Variants in SGCZ observed in about 807,000 individuals in gnomAD.
The protein encoded by SGCZ is sarcoglycan zeta, also known as zeta-sarcoglycan.
In SGCZ, 40 loss-of-function variants were observed where a neutral mutation model predicts 41.3. That is an observed-to-expected ratio of 0.97 (90% CI 0.75 to 1.26). The LOEUF (loss-of-function observed/expected upper bound fraction) is 1.26, where lower values mean the gene tolerates loss of function less well. Ranked by LOEUF, SGCZ falls within the 50% of genes most tolerant of loss-of-function variation. The pLI is 0.00. For missense variants in SGCZ, 552 were observed against 369.8 expected (o/e 1.49, Z -4.04); for synonymous variants, 206 against 137.5 (o/e 1.50, Z -3.49).
chr8:14,156,791 C>T (rs1803889941), intron 5 of SGCZ, among the ~76,000 whole-genome samples: 1 of 152,188 alleles, frequency 6.6e-6, no homozygotes, highest in Non-Finnish European at 1.5e-5. Flanking sequence ...ATCAATATCA[C>T]TGTCTTCCAG....
intron 1 of SGCZ, among the ~76,000 whole-genome samples, chr8:15,075,208 T>A: frequency 7.5e-6 from 1 of 132,632 alleles, no homozygotes; most frequent in East Asian, 2.3e-4. Flanking sequence ...ATACAATTAG[T>A]TTATGTAGTA....
At chr8:14,765,274 C>A (rs980382435) in intron 1 of SGCZ, among the ~76,000 whole-genome samples, 13 of 152,264 alleles carry the variant, frequency 8.5e-5, no homozygotes, top group African/African-American at 2.6e-4. Flanking sequence ...TATTTAATAA[C>A]CTTTTCAATG....
chr8:14,567,313 G>A (rs535248810), intron 1 of SGCZ, among the ~76,000 whole-genome samples: 1 of 152,188 alleles, frequency 6.6e-6, no homozygotes, highest in South Asian at 2.1e-4. Context: ...AGTCTAGTGG[G>A]GACTTGGAGA....
rs570762326 is a variant in SGCZ, at chr8:14,881,072, T to A, written c.40-326146A>T. Among the ~76,000 whole-genome samples the A allele has an allele frequency of 3.3e-5, 5 of 152,256 alleles. No homozygotes were observed. The South Asian group carries it at 1.0e-3, about 32-fold the overall frequency. ...ATGTGACCTTGGCCTGTGACTTAAT[T>A]CTTTGAACTCATTTCCCTCATTATA... is the stretch of plus-strand genomic sequence containing the variant. On this transcript the variant is annotated intron_variant, in intron 1 of 7. Coordinates refer to ENST00000382080, the MANE Select transcript of SGCZ (RefSeq NM_139167.4).
chr8:15,077,026 C>T (rs17120855), intron 1 of SGCZ, among the ~76,000 whole-genome samples: 9 of 151,936 alleles, frequency 5.9e-5, no homozygotes, highest in South Asian at 4.1e-4. Flanking sequence ...TAAGTTACGA[C>T]GCCAAAAGGA....
intron 2 of SGCZ, among the ~76,000 whole-genome samples, chr8:14,438,454 T>C (rs1249318034): frequency 9.2e-5 from 14 of 152,010 alleles, no homozygotes. Context: ...AGAAAATTAA[T>C]ATTATGCCTT....
At chr8:14,949,414 T>C (rs770486242) in intron 1 of SGCZ, among the ~76,000 whole-genome samples, 10 of 152,118 alleles carry the variant, frequency 6.6e-5, no homozygotes, top group Non-Finnish European at 1.5e-4. Context: ...AAGAAAAACC[T>C]TCACTCTATG....
intron 1 of SGCZ, among the ~76,000 whole-genome samples, chr8:14,585,874 C>T (rs979509445): frequency 6.6e-6 from 1 of 152,074 alleles, no homozygotes; most frequent in Non-Finnish European, 1.5e-5. Context: ...TAATAAATCA[C>T]CTTCAGTAAA....
chr8:14,686,779 T>C (rs572038693), intron 1 of SGCZ, among the ~76,000 whole-genome samples: 39 of 152,134 alleles, frequency 2.6e-4, no homozygotes, highest in Admixed American at 1.3e-4. Context: ...TATGTAATGA[T>C]TGCAAAAAGA....
chr8:14,285,429 C>G (rs1035404297), intron 3 of SGCZ, among the ~76,000 whole-genome samples: 1 of 152,030 alleles, frequency 6.6e-6, no homozygotes, highest in African/African-American at 2.4e-5. Flanking sequence ...CTGAGCCTTT[C>G]GAACTGGATC....
intron 1 of SGCZ, among the ~76,000 whole-genome samples, chr8:14,735,069 C>A (rs977095209): frequency 2.0e-5 from 3 of 152,092 alleles, no homozygotes; most frequent in Non-Finnish European, 4.4e-5. Context: ...AGACTGAGTG[C>A]AGGAGTATCA....
intron 1 of SGCZ, among the ~76,000 whole-genome samples, chr8:14,686,111 G>A (rs1808602401): frequency 6.6e-6 from 1 of 151,962 alleles, no homozygotes; most frequent in South Asian, 2.1e-4. Flanking sequence ...TCCTATCCAG[G>A]TAGTGCATAT....
intron 2 of SGCZ, among the ~76,000 whole-genome samples, chr8:14,544,864 T>A (rs907980074): frequency 6.6e-6 from 1 of 152,184 alleles, no homozygotes; most frequent in African/African-American, 2.4e-5. Flanking sequence ...TTGCCCTTTG[T>A]CCTGTTCCCT....
chr8:14,888,966 C>T (rs1804909930), intron 1 of SGCZ, among the ~76,000 whole-genome samples: 2 of 152,036 alleles, frequency 1.3e-5, no homozygotes, highest in Admixed American at 6.6e-5. Flanking sequence ...TTAATAAGAT[C>T]CAAAATATTA....
At chr8:14,622,163 C>T (rs945670625) in intron 1 of SGCZ, among the ~76,000 whole-genome samples, 2 of 152,090 alleles carry the variant, frequency 1.3e-5, no homozygotes, top group Non-Finnish European at 2.9e-5. Context: ...GGAAAGGTAA[C>T]TTACATTGAT....
intron 3 of SGCZ, among the ~76,000 whole-genome samples, chr8:14,300,697 G>T (rs1401377033): frequency 6.6e-6 from 1 of 151,864 alleles, no homozygotes; most frequent in Non-Finnish European, 1.5e-5. Flanking sequence ...GTATAATGTG[G>T]TTAATTTTGA....
At chr8:14,593,617 A>G (rs1364938088) in intron 1 of SGCZ, among the ~76,000 whole-genome samples, 3 of 152,188 alleles carry the variant, frequency 2.0e-5, no homozygotes, top group African/African-American at 7.2e-5. Context: ...TGTTTCCAAA[A>G]TATTAGGAAG....
rs140399714 is a variant in SGCZ at position 14,559,929 on chromosome 8, A to C, written c.40-5003T>G. Among the ~76,000 whole-genome samples the C allele has an allele frequency of 2.6e-4, 39 of 152,254 alleles. 1 individual carries two copies. The East Asian group carries it at 7.3e-3, about 29-fold the overall frequency. ...AAACTCTGATTTGGCGTAGATGTGA[A>C]ACCCATTATGTTATGTAACATAAGT... On this transcript the variant is annotated intron_variant, in intron 1 of 7. Transcript: ENST00000382080.
At chr8:14,717,375 T>A (rs1402710136) in intron 1 of SGCZ, among the ~76,000 whole-genome samples, 1 of 152,146 alleles carries the variant, frequency 6.6e-6, no homozygotes, top group East Asian at 1.9e-4. Context: ...TTACTATAAA[T>A]CACTTACAGT....
Sources: allele counts gnomAD v4.1 joint callset (sites outside exome capture counted in the v4.1 genomes callset), GRCh38; gene constraint gnomAD v4.1.1; transcripts MANE v1.5; gene names NCBI Gene and HGNC (gene_info 2026-07-23, HGNC 2026-07-21).